The following ZC2HC1A variants were observed in gnomAD, a reference collection of about 807,000 sequenced individuals.
ZC2HC1A encodes the protein zinc finger C2HC-type containing 1A, also known as zinc finger C2HC domain-containing protein 1A.
ZC2HC1A carries 28 observed loss-of-function variants against 40.7 expected under a neutral mutation model. That is an observed-to-expected ratio of 0.69 (90% CI 0.51 to 0.94). ZC2HC1A has a LOEUF of 0.94. Ranked by LOEUF, ZC2HC1A falls within the 40% of genes least tolerant of loss-of-function variation. The pLI is 0.00. For synonymous variants in ZC2HC1A, 129 were observed against 129.2 expected, an observed-to-expected ratio of 1.00 and a Z score of 0.01; for missense variants, 389 against 386.3, an observed-to-expected ratio of 1.01 and a Z score of -0.06.
chr8:78,671,886 C>T (rs1809445759), intron 1 of ZC2HC1A, among the ~76,000 whole-genome samples: 1 of 152,146 alleles, frequency 6.6e-6, no homozygotes, highest in South Asian at 2.1e-4. Flanking sequence ...AGAAAGATGT[C>T]TTCCATGTAC....
At chr8:78,687,864 C>G (rs1435577082) in intron 4 of ZC2HC1A, among the ~76,000 whole-genome samples, 1 of 32,346 alleles carries the variant, frequency 3.1e-5, no homozygotes, top group Non-Finnish European at 1.4e-4. Flanking sequence ...TAATATATAT[C>G]TATATAATAA....
At chr8:78,710,990 A>G (rs1810934039) in intron 7 of ZC2HC1A, among the ~76,000 whole-genome samples, 1 of 152,100 alleles carries the variant, frequency 6.6e-6, no homozygotes, top group Admixed American at 6.5e-5. Context: ...TAAACTCCAT[A>G]AGAACAGGTA....
intron 8 of ZC2HC1A, 152 bp downstream of exon 8, chr8:78,715,480 A>G: frequency 1.6e-6 from 1 of 634,400 alleles, no homozygotes. Context: ...CCTCTAATGG[A>G]TTTGGGCAAA....
intron 7 of ZC2HC1A, among the ~76,000 whole-genome samples, chr8:78,706,242 T>C (rs1159202578): frequency 6.6e-6 from 1 of 152,172 alleles, no homozygotes; most frequent in Non-Finnish European, 1.5e-5. Flanking sequence ...TGAGGTGTTA[T>C]GAAAGTGAGA....
chr8:78,677,550 C>T (rs1809621859), intron 2 of ZC2HC1A, among the ~76,000 whole-genome samples: 1 of 152,084 alleles, frequency 6.6e-6, no homozygotes, highest in African/African-American at 2.4e-5. Flanking sequence ...CTTTAGTAAT[C>T]CAAACTACTA....
chr8:78,676,730 C>G (rs979493730), intron 2 of ZC2HC1A, among the ~76,000 whole-genome samples: 1 of 151,752 alleles, frequency 6.6e-6, no homozygotes, highest in African/African-American at 2.4e-5. Context: ...TTTTTGTAAT[C>G]TTTTAAAAAC....
At chr8:78,686,727 T>G in intron 4 of ZC2HC1A, 119 bp downstream of exon 4, 1 of 1,126,426 alleles carries the variant, frequency 8.9e-7, no homozygotes, top group South Asian at 3.9e-5. Context: ...GGCATAATCT[T>G]TAAAATTTGG....
At chr8:78,696,912 A>G (rs2130539175) in intron 5 of ZC2HC1A, among the ~76,000 whole-genome samples, 1 of 152,280 alleles carries the variant, frequency 6.6e-6, no homozygotes, top group East Asian at 1.9e-4. Flanking sequence ...TTTTCTACTA[A>G]TGTTTGTTTG....
At position 78,681,334 on chromosome 8, in the gene ZC2HC1A, CTAT is replaced by C. The variant is rs138617795; in HGVS notation, c.210+2656_210+2658del. ...ATTAGCTCAGCATTGATAAAAGATA[CTAT>C]GAGAAAAAAGGTAGAAAAGAACAGC... On this transcript the variant is annotated intron_variant, in intron 3 of 8. Coordinates refer to ENST00000263849, the MANE Select transcript of ZC2HC1A (RefSeq NM_016010.3). Among the ~76,000 whole-genome samples, 39 of 152,016 alleles carry C rather than the reference CTAT, an allele frequency of 2.6e-4. 1 individual carries two copies. The highest frequency in any genetic ancestry group is 9.4e-4 in the African/African-American group (39 of 41,482).
chr8:78,697,606 A>G, intron 6 of ZC2HC1A, 100 bp downstream of exon 6: 2 of 826,646 alleles, frequency 2.4e-6, no homozygotes, highest in South Asian at 1.8e-5. Context: ...AGATAGATTT[A>G]TAATTAAGAA....
rs757598027 is a variant in ZC2HC1A, at chr8:78,717,369, T to C, written c.854T>C (p.Ile285Thr). The C allele has an allele frequency of 6.2e-7, 1 of 1,613,500 alleles. No individual in the cohort carries two copies. Among genetic ancestry groups the C allele is most frequent in the Non-Finnish European group, 8.5e-7 (1 of 1,179,796 alleles). The change falls in exon 9 of 9, where the codon ATT becomes ACT. Residue 285 changes from isoleucine (I) to threonine (T), a missense_variant. Physicochemically the swap from Ile to Thr is moderately conservative, Grantham distance 89. Coordinates refer to ENST00000263849, the MANE Select transcript of ZC2HC1A (RefSeq NM_016010.3). ...GCATCTTCCCTTAATGGTGGAAATA[T>C]TAAAGGCATTGAAGGACATTCACCT... ...DCASSLNGGN[I>T]KGIEGHSPGN... is the part of the protein sequence containing the mutation.
At chr8:78,692,143 A>G (rs1810231128) in intron 5 of ZC2HC1A, among the ~76,000 whole-genome samples, 1 of 152,176 alleles carries the variant, frequency 6.6e-6, no homozygotes, top group Non-Finnish European at 1.5e-5. Context: ...AAAAACCACA[A>G]CAAAAACTTA....
chr8:78,669,749 T>C (rs919279039), intron 1 of ZC2HC1A, among the ~76,000 whole-genome samples: 11 of 152,220 alleles, frequency 7.2e-5, no homozygotes, highest in Non-Finnish European at 1.6e-4. Context: ...CCCCTTACTT[T>C]GTTCTACCTT....
At position 78,698,437 on chromosome 8, in the gene ZC2HC1A, T is replaced by A; in HGVS notation, c.628T>A (p.Ser210Thr). The change falls in exon 7 of 9, where the codon TCA (serine) becomes ACA (threonine). Residue 210 changes from serine (S) to threonine (T), a missense_variant. Physicochemically the swap from Ser to Thr is moderately conservative, Grantham distance 58. Transcript: ENST00000263849. ...VVGVPSGKVS[S>T]SSSSLGNKLQ... is the part of the protein sequence containing the mutation. ...AGGTGTTCCTTCAGGTAAAGTGTCTTCAAGTAGCAGCTCTTTGGGAAACAA... is the reference window on the plus strand; with the variant it reads ...AGGTGTTCCTTCAGGTAAAGTGTCTACAAGTAGCAGCTCTTTGGGAAACAA... The A allele has an allele frequency of 6.2e-7, 1 of 1,612,902 alleles. No individual in the cohort carries two copies. The highest frequency in any genetic ancestry group is 8.5e-7 in the Non-Finnish European group (1 of 1,179,336).
chr8:78,717,481 A>C lies in ZC2HC1A; in HGVS notation c.966A>C (p.Arg322Ser). 1 of 1,577,454 alleles carries C rather than the reference A, an allele frequency of 6.3e-7. No homozygotes were observed. Residue 322 changes from arginine to serine, a missense_variant, in exon 9 of 9, where the codon AGA (arginine) becomes AGC (serine). Arg to Ser is a moderately radical substitution (Grantham distance 110). Coordinates refer to ENST00000263849, the MANE Select transcript of ZC2HC1A (RefSeq NM_016010.3). ...AKFCCECGIR[R>S]MIL The stretch of plus-strand genomic sequence containing the variant: ...TTTGCTGTGAATGTGGCATTCGAAG[A>C]ATGATTCTATGAATAGAATCTCAAA...
intron 1 of ZC2HC1A, among the ~76,000 whole-genome samples, chr8:78,670,537 G>C (rs1393384180): frequency 6.6e-6 from 1 of 152,144 alleles, no homozygotes; most frequent in Non-Finnish European, 1.5e-5. Flanking sequence ...TTAGGTTAAT[G>C]TACCATTTTC....
intron 7 of ZC2HC1A, among the ~76,000 whole-genome samples, chr8:78,702,634 T>C (rs552091758): frequency 6.6e-6 from 1 of 152,304 alleles, no homozygotes; most frequent in Admixed American, 6.5e-5. Flanking sequence ...GCCTTAGCTG[T>C]GTTCTAGAGA....
At chr8:78,666,786 C>T (rs1809313264) in intron 1 of ZC2HC1A, among the ~76,000 whole-genome samples, 1 of 152,140 alleles carries the variant, frequency 6.6e-6, no homozygotes, top group Admixed American at 6.5e-5. Context: ...GAGGAAGAGC[C>T]TGTATTGGTT....
At chr8:78,692,297 A>G (rs571564775) in intron 5 of ZC2HC1A, among the ~76,000 whole-genome samples, 2 of 152,242 alleles carry the variant, frequency 1.3e-5, no homozygotes, top group South Asian at 2.1e-4. Flanking sequence ...TGGTATTCAC[A>G]TGCCTGTGCC....
Sources: gnomAD v4.1 joint callset for allele counts (sites outside exome capture counted in the v4.1 genomes callset) on GRCh38, gnomAD v4.1.1 for gene constraint, MANE v1.5 for transcripts, NCBI Gene and HGNC (gene_info 2026-07-23, HGNC 2026-07-21) for gene names.